The following USH2A variants were observed in gnomAD, a reference collection of about 807,000 sequenced individuals.
The protein encoded by USH2A is usherin, also known as Usher syndrome 2A (autosomal recessive, mild).
A neutral mutation model predicts 538.9 loss-of-function variants in USH2A; 443 were observed. The observed-to-expected ratio is 0.82, with a 90% CI of 0.76 to 0.89. The LOEUF (loss-of-function observed/expected upper bound fraction) is 0.89. Ranked by LOEUF, USH2A falls within the 40% of genes least tolerant of loss-of-function variation. The pLI, the probability that USH2A is intolerant of heterozygous loss-of-function variation, is 0.00. For synonymous variants in USH2A, 2,413 were observed against 2,273.5 expected (o/e 1.06, Z -1.75); for missense variants, 6,633 against 6,324.8 (o/e 1.05, Z -1.65).
intron 32 of USH2A, among the ~76,000 whole-genome samples, chr1:216,038,380 A>G (rs1339565890): frequency 2.0e-5 from 3 of 152,018 alleles, no homozygotes; most frequent in Non-Finnish European, 4.4e-5. Context: ...ACCTCAAACT[A>G]GATCTGGTTC....
intron 49 of USH2A, among the ~76,000 whole-genome samples, chr1:215,809,498 TA>T (rs1276490834): frequency 6.6e-6 from 1 of 151,692 alleles, no homozygotes; most frequent in Non-Finnish European, 1.5e-5. Flanking sequence ...AAAATAAAAC[TA>T]TTTTTTTTTC....
At chr1:216,099,915 GA>G (rs1406327053) in intron 21 of USH2A, among the ~76,000 whole-genome samples, 1 of 152,008 alleles carries the variant, frequency 6.6e-6, no homozygotes, top group Non-Finnish European at 1.5e-5. Flanking sequence ...ACGATGCTAG[GA>G]AAATACATTG....
At chr1:216,009,153 C>T (rs1668481458) in intron 32 of USH2A, among the ~76,000 whole-genome samples, 1 of 151,938 alleles carries the variant, frequency 6.6e-6, no homozygotes, top group Non-Finnish European at 1.5e-5. Context: ...CCCTTATTTC[C>T]ATGCCCCAAC....
At chr1:216,082,195 A>G (rs938363795) in intron 26 of USH2A, among the ~76,000 whole-genome samples, 11 of 152,268 alleles carry the variant, frequency 7.2e-5, no homozygotes, top group African/African-American at 2.6e-4. Context: ...GATTAACATG[A>G]TAATTGCTAA....
chr1:215,959,999 G>T (rs184370706), intron 37 of USH2A, among the ~76,000 whole-genome samples: 1 of 152,156 alleles, frequency 6.6e-6, no homozygotes, highest in Admixed American at 6.6e-5. Flanking sequence ...TGTGTACTAA[G>T]ACATGGCATT....
intron 20 of USH2A, among the ~76,000 whole-genome samples, chr1:216,183,580 G>T (rs1001056947): frequency 6.6e-6 from 1 of 151,946 alleles, no homozygotes; most frequent in African/African-American, 2.4e-5. Flanking sequence ...ATGGCTGAGT[G>T]ATTCATGCCC....
chr1:215,657,847 T>A (rs1657310864), intron 64 of USH2A, among the ~76,000 whole-genome samples: 1 of 152,068 alleles, frequency 6.6e-6, no homozygotes, highest in South Asian at 2.1e-4. Context: ...AGCCATTTAA[T>A]ACTTGTGAAT....
At chr1:216,205,141 T>C (rs1572049004) in intron 16 of USH2A, among the ~76,000 whole-genome samples, 1 of 152,188 alleles carries the variant, frequency 6.6e-6, no homozygotes, top group Non-Finnish European at 1.5e-5. Context: ...AAGTTTAATT[T>C]TGCTATTGCA....
chr1:215,780,633 T>A (rs1478797998), intron 54 of USH2A, among the ~76,000 whole-genome samples: 3 of 152,260 alleles, frequency 2.0e-5, no homozygotes, highest in Admixed American at 2.0e-4. Context: ...AAACATAGTT[T>A]TGGACAAAAA....
chr1:215,878,329 T>C (rs1664826372), intron 42 of USH2A, among the ~76,000 whole-genome samples: 1 of 152,190 alleles, frequency 6.6e-6, no homozygotes, highest in Non-Finnish European at 1.5e-5. Context: ...ACAGCTCTTT[T>C]CTTTCATCGT....
chr1:216,392,491 CAAAAAAAAAA>C (rs55951311), intron 3 of USH2A, among the ~76,000 whole-genome samples: 4 of 49,484 alleles, frequency 8.1e-5, no homozygotes, highest in Middle Eastern at 0.013. Flanking sequence ...GACTCCGTCT[CAAAAAAAAAA>C]AAAAAAAAAA....
chr1:216,351,183 A>G (rs1249286579), intron 4 of USH2A, among the ~76,000 whole-genome samples: 1 of 152,228 alleles, frequency 6.6e-6, no homozygotes, highest in Non-Finnish European at 1.5e-5. Context: ...TATAGAGGGA[A>G]AAACAGATAT....
intron 21 of USH2A, among the ~76,000 whole-genome samples, chr1:216,159,537 T>TACACACACACACACACACACACACAC (rs60343349): frequency 6.8e-6 from 1 of 146,832 alleles, no homozygotes; most frequent in African/African-American, 2.5e-5. Flanking sequence ...TTTATTTATG[T>TACACACACACACACACACACACACAC]ACACACACAC....
In USH2A at chr1:215,675,415, C is replaced by T. The variant is rs746419426; in HGVS notation, c.12496G>A (p.Val4166Met). The change falls in exon 63 of 72, where the codon GTG (valine) becomes ATG (methionine). Residue 4166 changes from valine (V) to methionine (M), a missense_variant. Transcript: ENST00000307340. ...DSQLAPTVHS[V>M]KSTSVELSWS... ...CTCAGCTCAACACTGGTGGACTTCA[C>T]AGAGTGGACAGTAGGAGCCAGCTGA... 6.2e-7 allele frequency: 1 copy of T among 1,614,130 alleles called. No individual in the cohort carries two copies. The highest frequency in any genetic ancestry group is 1.1e-5 in the South Asian group (1 of 91,082).
At chr1:215,810,629 G>A (rs78108397) in intron 49 of USH2A, among the ~76,000 whole-genome samples, 5,472 of 152,184 alleles carry the variant, frequency 0.036, 172 homozygotes, top group East Asian at 0.15. Context: ...AACACAAAAC[G>A]TCCATCTGAT....
intron 57 of USH2A, among the ~76,000 whole-genome samples, chr1:215,759,211 G>C (rs1660904107): frequency 6.6e-6 from 1 of 152,128 alleles, no homozygotes. Flanking sequence ...GCTGAGAAAT[G>C]AATGGGAATG....
chr1:216,121,213 G>A (rs79201514), intron 21 of USH2A, among the ~76,000 whole-genome samples: 2,169 of 132,114 alleles, frequency 0.016, 53 homozygotes, highest in African/African-American at 0.053. Context: ...TGTTTCCAAT[G>A]TAAGACTAAT....
chr1:216,069,223 A>G (rs1269980850), intron 30 of USH2A, among the ~76,000 whole-genome samples: 1 of 152,156 alleles, frequency 6.6e-6, no homozygotes, highest in Non-Finnish European at 1.5e-5. Context: ...GGAGGGTAAA[A>G]TAGGAAAGAA....
At chr1:216,077,939 T>C (rs2031807123) in intron 27 of USH2A, 150 bp downstream of exon 27, 1 of 954,438 alleles carries the variant, frequency 1.0e-6, no homozygotes, top group South Asian at 1.5e-5. Flanking sequence ...TTTTCATTAG[T>C]TTTTAAGGTT....
Sources: gnomAD v4.1 joint callset for allele counts (sites outside exome capture counted in the v4.1 genomes callset) on GRCh38, gnomAD v4.1.1 for gene constraint, MANE v1.5 for transcripts, NCBI Gene and HGNC (gene_info 2026-07-23, HGNC 2026-07-21) for gene names.